The following DCLRE1C variants were observed in gnomAD, a reference collection of about 807,000 sequenced individuals.
DCLRE1C encodes protein artemis.
Under a neutral mutation model 61.4 loss-of-function variants are expected in DCLRE1C, and 47 were observed. The ratio of observed to expected loss-of-function variants is 0.77; its 90% CI spans 0.61 to 0.98. DCLRE1C has a LOEUF of 0.98. Ranked by LOEUF, DCLRE1C falls within the 50% of genes least tolerant of loss-of-function variation. The probability of loss-of-function intolerance (pLI) is 0.00; values close to 1 mark genes in which losing one functional copy is unlikely to be tolerated. For synonymous variants in DCLRE1C, 337 were observed against 287.6 expected (o/e 1.17, Z -1.74); for missense variants, 858 against 816.0 (o/e 1.05, Z -0.63).
intron 9 of DCLRE1C, 21 bp from the exon 10 acceptor site, chr10:14,928,173 A>T: frequency 6.2e-7 from 1 of 1,610,736 alleles, no homozygotes; most frequent in Admixed American, 1.7e-5. Context: ...TAAAAAGCAT[A>T]GAAAAACAGT....
intron 2 of DCLRE1C, among the ~76,000 whole-genome samples, chr10:14,948,306 T>C (rs1296098506): frequency 1.3e-5 from 2 of 152,216 alleles, no homozygotes; most frequent in African/African-American, 4.8e-5. Flanking sequence ...AGACAGAGTA[T>C]TGCTATCAAT....
chr10:14,908,423 T>A lies in DCLRE1C; in HGVS notation c.2064A>T (p.Ser688=). ...ESIAVKKRKC[S]LLDT Reference sequence around the variant, plus strand: ...CTTTGAATTCTTAGGTATCTAAGAGTGAGCATTTTCTTTTTTTGACTGCTA... The same window carrying A: ...CTTTGAATTCTTAGGTATCTAAGAGAGAGCATTTTCTTTTTTTGACTGCTA... Residue 688 remains serine (S), a synonymous_variant, in exon 14 of 14, where the codon TCA becomes TCT. Transcript: ENST00000378278. 6.2e-7 allele frequency: 1 copy of A among 1,613,754 alleles called. No individual in the cohort carries two copies. The highest frequency in any genetic ancestry group is 8.5e-7 in the Non-Finnish European group (1 of 1,179,804).
At chr10:14,927,901 T>A in intron 10 of DCLRE1C, 115 bp downstream of exon 10, 1 of 723,650 alleles carries the variant, frequency 1.4e-6, no homozygotes, top group Non-Finnish European at 1.9e-6. Context: ...TTTAAGAAAT[T>A]AATTATAATA....
intron 5 of DCLRE1C, 59 bp downstream of exon 5, chr10:14,936,479 T>C: frequency 1.4e-6 from 2 of 1,426,920 alleles, no homozygotes; most frequent in Admixed American, 3.4e-5. Context: ...AAAATTTATT[T>C]CTACAAATAC....
intron 9 of DCLRE1C, among the ~76,000 whole-genome samples, 169 bp downstream of exon 9, chr10:14,932,685 G>C (rs1482150154): frequency 6.6e-6 from 1 of 152,068 alleles, no homozygotes; most frequent in Non-Finnish European, 1.5e-5. Flanking sequence ...CGAAAAGTGT[G>C]GTCATGGAAT....
rs41299654 is a variant in DCLRE1C, at chr10:14,923,561, T to A, written c.973-492A>T. On this transcript the variant is annotated intron_variant, in intron 11 of 13. Coordinates refer to ENST00000378278, the MANE Select transcript of DCLRE1C (RefSeq NM_001033855.3). ...GGTACATGTCTGTGATCCCAGCTAC[T>A]CAAGGCTGAGGCAGGAGGATTGCTT... 2.3e-3 allele frequency: 377 copies of A among 165,286 alleles called. 6 individuals are homozygous for A. The East Asian group carries it at 0.03, about 13-fold the overall frequency. The allele number at this position is 165,286 out of a possible 1,614,324, so 10.2% of individuals were successfully genotyped here.
At chr10:14,910,294 A>C (rs529618427) in intron 13 of DCLRE1C, among the ~76,000 whole-genome samples, 1 of 152,328 alleles carries the variant, frequency 6.6e-6, no homozygotes, top group Admixed American at 6.5e-5. Context: ...GGTCACTAAG[A>C]TATCTAACGA....
At chr10:14,946,680 G>C (rs907284077) in intron 2 of DCLRE1C, among the ~76,000 whole-genome samples, 2 of 146,554 alleles carry the variant, frequency 1.4e-5, no homozygotes, top group African/African-American at 5.0e-5. Flanking sequence ...TTTTTTTTTA[G>C]GGGGAGGGGA....
intron 4 of DCLRE1C, 21 bp from the exon 5 acceptor site, chr10:14,936,614 A>T: frequency 6.3e-7 from 1 of 1,587,402 alleles, no homozygotes; most frequent in East Asian, 2.2e-5. Context: ...AATAAAGAAA[A>T]AATAGTAATG....
intron 12 of DCLRE1C, among the ~76,000 whole-genome samples, chr10:14,922,081 G>C (rs544716908): frequency 3.4e-4 from 52 of 152,310 alleles, no homozygotes; most frequent in East Asian, 1.7e-3. Context: ...AGCTCTGCTA[G>C]GACAGGCTGT....
At chr10:14,942,891 G>A (rs1841086867) in intron 3 of DCLRE1C, among the ~76,000 whole-genome samples, 1 of 152,148 alleles carries the variant, frequency 6.6e-6, no homozygotes, top group Non-Finnish European at 1.5e-5. Flanking sequence ...TTGGGTGGCC[G>A]AGGCGGGAGG....
chr10:14,938,992 CA>C (rs1364914722), intron 4 of DCLRE1C, among the ~76,000 whole-genome samples: 1 of 152,166 alleles, frequency 6.6e-6, no homozygotes, highest in African/African-American at 2.4e-5. Context: ...TCCTAACCCC[CA>C]AAGTGGTTTT....
Position 14,908,476 on chromosome 10 carries a change from A to G in DCLRE1C, c.2011T>C (p.Tyr671His), listed in dbSNP as rs756653258. ...LPKREHLQYLYEKLATGESIA... is the reference protein window; with the variant it reads ...LPKREHLQYLHEKLATGESIA... ...CTCTCACCAGTTGCCAGCTTCTCAT[A>G]TAAATATTGTAAATGCTCTCGTTTA... Residue 671 changes from tyrosine to histidine, a missense_variant, in exon 14 of 14, where the codon TAT becomes CAT. Coordinates refer to ENST00000378278, the MANE Select transcript of DCLRE1C (RefSeq NM_001033855.3). The G allele has an allele frequency of 9.3e-6, 15 of 1,613,964 alleles. No individual in the cohort carries two copies. The East Asian group carries it at 3.3e-4, about 36-fold the overall frequency.
chr10:14,937,105 T>C lies in DCLRE1C; in HGVS notation c.307-512A>G, dbSNP rs190155814. 1.0e-3 allele frequency among the ~76,000 whole-genome samples: 153 copies of C among 152,106 alleles called. 1 individual carries two copies. The highest frequency in any genetic ancestry group is 2.8e-3 in the Admixed American group (42 of 15,256). ...GAAATATCCGGAATAGGTGAACCCATGGAGACAGAGAGTCCAATACAGTAG... is the reference window on the plus strand; with the variant it reads ...GAAATATCCGGAATAGGTGAACCCACGGAGACAGAGAGTCCAATACAGTAG... On this transcript the variant is annotated intron_variant, in intron 4 of 13. Transcript: ENST00000378278.
chr10:14,952,161 C>T (rs1214256389), intron 1 of DCLRE1C, among the ~76,000 whole-genome samples: 2 of 152,284 alleles, frequency 1.3e-5, no homozygotes, highest in African/African-American at 2.4e-5. Context: ...ATCCTAAACA[C>T]GAAGTGCAAG....
downstream of DCLRE1C, among the ~76,000 whole-genome samples, chr10:14,901,537 C>G (rs1005799365): frequency 6.6e-6 from 1 of 151,400 alleles, no homozygotes; most frequent in Admixed American, 6.6e-5. Flanking sequence ...TAATACTGTA[C>G]TACTTGTCTT....
chr10:14,936,332 T>C (rs1030940847), intron 5 of DCLRE1C, among the ~76,000 whole-genome samples: 2 of 149,612 alleles, frequency 1.3e-5, no homozygotes, highest in African/African-American at 4.9e-5. Context: ...CTTTCTTTTT[T>C]TTTTTTTTTT....
In DCLRE1C at chr10:14,908,584, T is replaced by A. The variant is rs1051813612; in HGVS notation, c.1903A>T (p.Ser635Cys). 6.8e-6 allele frequency: 11 copies of A among 1,613,980 alleles called. No individual in the cohort carries two copies. Among genetic ancestry groups the A allele is most frequent in the Admixed American group, 5.0e-5 (3 of 59,992 alleles). Residue 635 changes from serine (S) to cysteine (C), a missense_variant, in exon 14 of 14, where the codon AGT becomes TGT. Physicochemically the swap from Ser to Cys is moderately radical, Grantham distance 112 (BLOSUM62 -1). Coordinates refer to ENST00000378278, the MANE Select transcript of DCLRE1C (RefSeq NM_001033855.3). Reference protein sequence around the residue: ...SSETHIPEEKSLLNLSTNADS... With the variant: ...SSETHIPEEKCLLNLSTNADS... ...GCATTTGTGCTAAGATTTAGCAAAC[T>A]TTTTTCCTCGGGTATATGTGTCTCA...
At chr10:14,902,887 C>G (rs1284013194), downstream of DCLRE1C, 2 of 155,070 alleles carry the variant, frequency 1.3e-5, no homozygotes, top group Non-Finnish European at 2.9e-5. Flanking sequence ...CCATACACCT[C>G]AAATTCGGAG....
Sources: allele counts gnomAD v4.1 joint callset (sites outside exome capture counted in the v4.1 genomes callset), GRCh38; gene constraint gnomAD v4.1.1; transcripts MANE v1.5; gene names NCBI Gene and HGNC (gene_info 2026-07-23, HGNC 2026-07-21).